The following C12orf42 variants were observed in gnomAD, a reference collection of about 807,000 sequenced individuals.
C12orf42 encodes uncharacterized protein C12orf42.
Under a neutral mutation model 21.6 loss-of-function variants are expected in C12orf42, and 25 were observed. The observed-to-expected ratio is 1.16, with a 90% CI of 0.84 to 1.62. The LOEUF (loss-of-function observed/expected upper bound fraction) is 1.62. Ranked by LOEUF, C12orf42 falls within the 40% of genes most tolerant of loss-of-function variation. The probability of loss-of-function intolerance (pLI) is 0.00; values close to 1 mark genes in which losing one functional copy is unlikely to be tolerated. For synonymous variants in C12orf42, 174 were observed against 175.0 expected (o/e 0.99, Z 0.05); for missense variants, 483 against 459.3 (o/e 1.05, Z -0.47).
the C12orf42 span, among the ~76,000 whole-genome samples, chr12:103,562,853 A>G: frequency 6.6e-6 from 1 of 152,154 alleles, no homozygotes; most frequent in Non-Finnish European, 1.5e-5. Flanking sequence ...CCACACCATT[A>G]TGTATCAGAG....
intron 3 of C12orf42, among the ~76,000 whole-genome samples, chr12:103,388,135 T>C (rs944190674): frequency 2.0e-5 from 3 of 152,204 alleles, no homozygotes; most frequent in South Asian, 2.1e-4. Flanking sequence ...AGCGTGGAGC[T>C]TTGCAGGAGA....
At chr12:103,473,786 CA>C (rs915756203) in intron 2 of C12orf42, among the ~76,000 whole-genome samples, 1 of 152,128 alleles carries the variant, frequency 6.6e-6, no homozygotes, top group African/African-American at 2.4e-5. Flanking sequence ...TTGGGAATGC[CA>C]TATTGTATTT....
intron 10 of C12orf42, among the ~76,000 whole-genome samples, chr12:103,249,596 T>G (rs1306852468): frequency 6.6e-6 from 1 of 152,066 alleles, no homozygotes; most frequent in Non-Finnish European, 1.5e-5. Context: ...TCTTACACTA[T>G]CCCATATCTG....
chr12:103,058,983 G>C, the C12orf42 span, among the ~76,000 whole-genome samples: 3 of 152,052 alleles, frequency 2.0e-5, no homozygotes, highest in African/African-American at 7.2e-5. Context: ...GATCAGAGCA[G>C]AACTGAAGGA....
intron 2 of C12orf42, among the ~76,000 whole-genome samples, chr12:103,474,454 A>ATGTATGTATGTATGTGTGTGTG (rs1555212293): frequency 6.7e-6 from 1 of 149,282 alleles, no homozygotes; most frequent in African/African-American, 2.5e-5. Flanking sequence ...GTATGTATGT[A>ATGTATGTATGTATGTGTGTGTG]TGTGTGTGTG....
the C12orf42 span, among the ~76,000 whole-genome samples, chr12:103,190,157 C>A: frequency 1.2e-4 from 18 of 152,286 alleles, no homozygotes; most frequent in Admixed American, 1.2e-3. Context: ...GTGCAGACCT[C>A]AGTCTGAGGC....
the C12orf42 span, among the ~76,000 whole-genome samples, chr12:103,515,311 AGT>A: frequency 6.6e-6 from 1 of 152,228 alleles, no homozygotes; most frequent in Non-Finnish European, 1.5e-5. Flanking sequence ...AAAAATGCAT[AGT>A]GACCTGTGCT....
At chr12:103,339,745 G>T (rs989080587) in intron 4 of C12orf42, among the ~76,000 whole-genome samples, 1 of 152,172 alleles carries the variant, frequency 6.6e-6, no homozygotes, top group Non-Finnish European at 1.5e-5. Flanking sequence ...CTGTTGGTGG[G>T]AGTGAAAATC....
chr12:103,368,317 T>TCTCACACACACACACA (rs1555271889), intron 4 of C12orf42, among the ~76,000 whole-genome samples: 221 of 146,612 alleles, frequency 1.5e-3, no homozygotes, highest in African/African-American at 5.4e-3. Context: ...TCTCTCTCTC[T>TCTCACACACACACACA]CACACACACA....
chr12:103,355,373 A>G (rs899523493), intron 4 of C12orf42, among the ~76,000 whole-genome samples: 10 of 152,106 alleles, frequency 6.6e-5, no homozygotes, highest in African/African-American at 2.4e-4. Flanking sequence ...GTATTGGTGT[A>G]TGTATCTGGC....
At chr12:103,355,319 G>A (rs747956259) in intron 4 of C12orf42, among the ~76,000 whole-genome samples, 1 of 152,076 alleles carries the variant, frequency 6.6e-6, no homozygotes, top group African/African-American at 2.4e-5. Context: ...ATGTGTAGGT[G>A]TGTTTGCACA....
chr12:103,127,226 T>A, the C12orf42 span, among the ~76,000 whole-genome samples: 5 of 152,118 alleles, frequency 3.3e-5, no homozygotes, highest in African/African-American at 1.2e-4. Flanking sequence ...TATCACTAAG[T>A]TTTTTGCATA....
the C12orf42 span, among the ~76,000 whole-genome samples, chr12:103,068,932 CACATATATATATATATAT>C: frequency 7.4e-3 from 357 of 48,200 alleles, 10 homozygotes; most frequent in African/African-American, 0.015. Context: ...TCTCTCTCTC[CACATATATATATATATAT>C]ATATATATAT....
chr12:103,180,835 C>T, the C12orf42 span, among the ~76,000 whole-genome samples: 3 of 151,084 alleles, frequency 2.0e-5, no homozygotes, highest in African/African-American at 7.3e-5. Flanking sequence ...TCCATGTTGG[C>T]CAGGCTGGTC....
chr12:103,171,660 G>C, the C12orf42 span, among the ~76,000 whole-genome samples: 1 of 152,080 alleles, frequency 6.6e-6, no homozygotes, highest in Non-Finnish European at 1.5e-5. Context: ...GCATTAGAGA[G>C]ACAGTGGTAT....
chr12:103,461,665 G>C (rs1036473346), intron 2 of C12orf42, among the ~76,000 whole-genome samples: 1 of 152,114 alleles, frequency 6.6e-6, no homozygotes, highest in Non-Finnish European at 1.5e-5. Flanking sequence ...TTGATTAGCT[G>C]TGTGACCTGG....
At chr12:103,389,465 G>A (rs900645780) in intron 3 of C12orf42, among the ~76,000 whole-genome samples, 1 of 152,198 alleles carries the variant, frequency 6.6e-6, no homozygotes, top group Non-Finnish European at 1.5e-5. Context: ...CAAATTTCAG[G>A]TGAATTGCTG....
the C12orf42 span, among the ~76,000 whole-genome samples, chr12:103,191,462 C>G: frequency 7.4e-6 from 1 of 135,594 alleles, no homozygotes; most frequent in South Asian, 2.3e-4. Context: ...AATCCCAATA[C>G]TTTGGGATGC....
At chr12:103,153,332 CTATAT>C in the C12orf42 span, among the ~76,000 whole-genome samples, 1 of 152,058 alleles carries the variant, frequency 6.6e-6, no homozygotes, top group African/African-American at 2.4e-5. Flanking sequence ...TTAAATCAAA[CTATAT>C]TATAATTAAA....
Sources: allele counts gnomAD v4.1 joint callset (sites outside exome capture counted in the v4.1 genomes callset), GRCh38; gene constraint gnomAD v4.1.1; transcripts MANE v1.5; gene names NCBI Gene and HGNC (gene_info 2026-07-23, HGNC 2026-07-21).